ARHGAP26: variants seen among roughly 807,000 people sequenced by gnomAD.
ARHGAP26 encodes rho GTPase-activating protein 26.
ARHGAP26 carries 38 observed loss-of-function variants against 104.8 expected under a neutral mutation model. The observed-to-expected ratio is 0.36, with a 90% CI of 0.28 to 0.48. The LOEUF is 0.48. Among genes scored for constraint, ARHGAP26 ranks in the 20% least tolerant of loss-of-function variants. The pLI is 0.99. For missense variants in ARHGAP26, 704 were observed against 947.9 expected (o/e 0.74, Z 3.38); for synonymous variants, 341 against 340.0 (o/e 1.00, Z -0.03).
At chr5:142,903,018 C>G (rs1760589003) in intron 7 of ARHGAP26, among the ~76,000 whole-genome samples, 1 of 152,162 alleles carries the variant, frequency 6.6e-6, no homozygotes, top group Non-Finnish European at 1.5e-5. Flanking sequence ...GCCCTGAATA[C>G]AAGCAAGGGG....
At chr5:143,049,816 C>T (rs1400520445) in intron 14 of ARHGAP26, among the ~76,000 whole-genome samples, 1 of 152,154 alleles carries the variant, frequency 6.6e-6, no homozygotes, top group Non-Finnish European at 1.5e-5. Context: ...GGTATTTGGT[C>T]ATGGTCCTGG....
intron 11 of ARHGAP26, among the ~76,000 whole-genome samples, chr5:142,955,369 G>T (rs182005052): frequency 6.6e-6 from 1 of 152,264 alleles, no homozygotes; most frequent in East Asian, 1.9e-4. Flanking sequence ...TGCAGAAAAA[G>T]AGGTGTTTGA....
At chr5:142,823,050 C>A (rs1293756698) in intron 1 of ARHGAP26, among the ~76,000 whole-genome samples, 1 of 152,182 alleles carries the variant, frequency 6.6e-6, no homozygotes, top group Non-Finnish European at 1.5e-5. Context: ...AAATACATTT[C>A]ATTGTATAAT....
intron 17 of ARHGAP26, chr5:143,058,248 T>C (rs376940620): frequency 2.4e-5 from 7 of 292,266 alleles, no homozygotes; most frequent in East Asian, 2.4e-4. Flanking sequence ...CTGTCTAATA[T>C]GGATAATAGA....
chr5:142,806,715 C>G lies in ARHGAP26; in HGVS notation c.154+35800C>G, dbSNP rs973590397. Among the ~76,000 whole-genome samples the G allele has an allele frequency of 2.6e-5, 4 of 152,028 alleles. No individual in the cohort carries two copies. The East Asian group carries it at 5.8e-4, about 22-fold the overall frequency. ...AAGAAAAGACAATCCCAGTTATGTA[C>G]CCCCCCACTACTTAGACATCTAACT... On this transcript the variant is annotated intron_variant, in intron 1 of 22. Coordinates refer to ENST00000645722, the MANE Select transcript of ARHGAP26 (RefSeq NM_001135608.3).
intron 17 of ARHGAP26, chr5:143,103,181 T>A: frequency 1.0e-6 from 1 of 964,934 alleles, no homozygotes; most frequent in Non-Finnish European, 1.2e-6. Context: ...TGATTTGCTT[T>A]GCTGCAGACT....
At chr5:143,115,131 G>C (rs1000814385) in intron 17 of ARHGAP26, among the ~76,000 whole-genome samples, 2 of 152,008 alleles carry the variant, frequency 1.3e-5, no homozygotes, top group Non-Finnish European at 2.9e-5. Context: ...TCAGGAGTTC[G>C]AGAGGAGCCT....
At chr5:142,954,062 G>A (rs1042705537) in intron 11 of ARHGAP26, among the ~76,000 whole-genome samples, 2 of 152,192 alleles carry the variant, frequency 1.3e-5, no homozygotes, top group Non-Finnish European at 2.9e-5. Context: ...GAGCAAAGGC[G>A]TTTTTAAGCG....
chr5:143,048,658 G>C (rs1298641482), intron 14 of ARHGAP26, among the ~76,000 whole-genome samples: 2 of 151,456 alleles, frequency 1.3e-5, no homozygotes, highest in African/African-American at 4.8e-5. Flanking sequence ...GCTCACACCT[G>C]TAATCCCAGC....
chr5:143,090,286 A>AG (rs1562402782), intron 17 of ARHGAP26, among the ~76,000 whole-genome samples: 2 of 152,244 alleles, frequency 1.3e-5, no homozygotes, highest in Non-Finnish European at 2.9e-5. Flanking sequence ...CCTAGTGGAA[A>AG]GGGGACAGTC....
chr5:142,788,081 A>C (rs1759031099), intron 1 of ARHGAP26, among the ~76,000 whole-genome samples: 1 of 150,912 alleles, frequency 6.6e-6, no homozygotes, highest in Non-Finnish European at 1.5e-5. Flanking sequence ...GCTCACTGCA[A>C]CCTCTGCCTT....
intron 21 of ARHGAP26, among the ~76,000 whole-genome samples, chr5:143,212,520 T>C (rs1173224350): frequency 6.6e-6 from 1 of 152,168 alleles, no homozygotes; most frequent in Non-Finnish European, 1.5e-5. Context: ...AGAGCTGTTT[T>C]CCTGTTGGAG....
intron 17 of ARHGAP26, chr5:143,103,229 G>C: frequency 1.0e-6 from 1 of 985,140 alleles, no homozygotes; most frequent in Non-Finnish European, 1.2e-6. Flanking sequence ...TGGATCAGTA[G>C]ACATGGGAAA....
chr5:142,897,894 G>A (rs1341794146), intron 6 of ARHGAP26, among the ~76,000 whole-genome samples: 2 of 152,132 alleles, frequency 1.3e-5, no homozygotes, highest in African/African-American at 2.4e-5. Flanking sequence ...GCTTACAGGT[G>A]GGAAAGAAAC....
chr5:142,807,780 G>A (rs1340191404), intron 1 of ARHGAP26, among the ~76,000 whole-genome samples: 1 of 152,174 alleles, frequency 6.6e-6, no homozygotes, highest in Non-Finnish European at 1.5e-5. Flanking sequence ...TGAGCTGCGT[G>A]CTGCTGGCTT....
intron 20 of ARHGAP26, among the ~76,000 whole-genome samples, chr5:143,176,492 C>T (rs1349611430): frequency 6.6e-6 from 1 of 152,182 alleles, no homozygotes; most frequent in Non-Finnish European, 1.5e-5. Context: ...TTGTGTCCCT[C>T]CTCTGGTTCT....
intron 5 of ARHGAP26, among the ~76,000 whole-genome samples, chr5:142,890,648 C>G (rs1341360373): frequency 6.6e-6 from 1 of 151,982 alleles, no homozygotes; most frequent in African/African-American, 2.4e-5. Context: ...TGTAGTAGCC[C>G]AGAGATGATG....
At chr5:143,198,120 G>A (rs1807149952) in intron 20 of ARHGAP26, among the ~76,000 whole-genome samples, 1 of 152,176 alleles carries the variant, frequency 6.6e-6, no homozygotes, top group Admixed American at 6.5e-5. Flanking sequence ...TAGCACTATT[G>A]CGTCCCTTTT....
intron 11 of ARHGAP26, 22 bp from the exon 12 acceptor site, chr5:143,014,058 A>G (rs1188225619): frequency 5.0e-6 from 8 of 1,612,574 alleles, no homozygotes; most frequent in Non-Finnish European, 5.9e-6. Context: ...CACATAAGTG[A>G]ATTTTTATTT....
Sources: allele counts gnomAD v4.1 joint callset (sites outside exome capture counted in the v4.1 genomes callset), GRCh38; gene constraint gnomAD v4.1.1; transcripts MANE v1.5; gene names NCBI Gene and HGNC (gene_info 2026-07-23, HGNC 2026-07-21).